GCNT2: variants seen among roughly 807,000 people sequenced by gnomAD.
GCNT2 encodes N-acetyllactosaminide beta-1,6-N-acetylglucosaminyl-transferase.
GCNT2 carries 34 observed loss-of-function variants against 34.2 expected under a neutral mutation model. That is an observed-to-expected ratio of 1.00 (90% confidence interval 0.76 to 1.32). The LOEUF (loss-of-function observed/expected upper bound fraction) is 1.32, where lower values mean the gene tolerates loss of function less well. Among genes scored for constraint, GCNT2 ranks in the 40% most tolerant of loss-of-function variants. GCNT2 has a pLI of 0.00. For missense variants in GCNT2, 584 were observed against 489.4 expected (o/e 1.19, Z -1.82); for synonymous variants, 212 against 188.0 (o/e 1.13, Z -1.04).
chr6:10,616,304 T>C (rs1765759361), intron 3 of GCNT2, among the ~76,000 whole-genome samples: 2 of 150,158 alleles, frequency 1.3e-5, no homozygotes, highest in African/African-American at 4.8e-5. Flanking sequence ...TCATATAGGC[T>C]GTATGGACCC....
At chr6:10,585,679 A>G (rs1223264957) in intron 3 of GCNT2, 2 of 823,382 alleles carry the variant, frequency 2.4e-6, no homozygotes, top group Non-Finnish European at 1.7e-6. Flanking sequence ...TCATATGTAA[A>G]TGAGGAGGCT....
At chr6:10,617,466 A>G (rs1428741645) in intron 3 of GCNT2, among the ~76,000 whole-genome samples, 2 of 152,198 alleles carry the variant, frequency 1.3e-5, no homozygotes, top group Non-Finnish European at 2.9e-5. Flanking sequence ...GGGCTCCCAC[A>G]GTGCAGCCGC....
chr6:10,529,247 G>T lies in GCNT2; in HGVS notation c.336G>T (p.Arg112Ser), dbSNP rs1561777524. 11 of 1,614,014 alleles carry T rather than the reference G, an allele frequency of 6.8e-6. No individual in the cohort carries two copies. Among genetic ancestry groups the T allele is most frequent in the Non-Finnish European group, 9.3e-6 (11 of 1,180,008 alleles). Residue 112 changes from arginine to serine, a missense_variant, in exon 3 of 5, where the codon AGG (arginine) becomes AGT (serine). Coordinates refer to ENST00000495262, the MANE Select transcript of GCNT2 (RefSeq NM_145649.5). ...ACAAAGACTTCGGCACTTTTGAGAGGCTCTTCAGGGCGATTTATATGCCCC... is the reference window on the plus strand; with the variant it reads ...ACAAAGACTTCGGCACTTTTGAGAGTCTCTTCAGGGCGATTTATATGCCCC... ...TIHKDFGTFE[R>S]LFRAIYMPQN...
chr6:10,612,051 A>G (rs550935622), intron 3 of GCNT2, among the ~76,000 whole-genome samples: 53 of 151,832 alleles, frequency 3.5e-4, no homozygotes, highest in Non-Finnish European at 6.9e-4. Flanking sequence ...CAGTGGTGCA[A>G]TCTCGGCTCA....
chr6:10,529,851 T>C lies in GCNT2; in HGVS notation c.925+15T>C. On this transcript the variant is annotated intron_variant, in intron 3 of 4. Coordinates refer to ENST00000495262, the MANE Select transcript of GCNT2 (RefSeq NM_145649.5). The stretch of plus-strand genomic sequence containing the variant: ...CAGGATTCCCGGTATGTACGTCTCT[T>C]AACTTTTATTTTTACGAATAAACAC... The C allele has an allele frequency of 1.3e-6, 2 of 1,598,374 alleles. No individual in the cohort carries two copies. The highest frequency in any genetic ancestry group is 2.2e-5 in the East Asian group (1 of 44,812).
intron 4 of GCNT2, among the ~76,000 whole-genome samples, chr6:10,622,340 C>T (rs1766069870): frequency 6.6e-6 from 1 of 151,970 alleles, no homozygotes; most frequent in African/African-American, 2.4e-5. Flanking sequence ...GGCTGGAAGT[C>T]CAAGATCCAG....
rs3897809 is a variant in GCNT2 at position 10,532,952 on chromosome 6, C to T, written c.925+3116C>T. Among the ~76,000 whole-genome samples, 754 of 112,366 alleles carry T rather than the reference C, an allele frequency of 6.7e-3. 9 individuals carry two copies. Among genetic ancestry groups the T allele is most frequent in the African/African-American group, 0.026 (725 of 27,946 alleles). The allele number at this position is 112,366 out of a possible 152,430, so 73.7% of individuals were successfully genotyped here. ...TTTTTTTTGGCAGGTGTGCGAGGGA[C>T]ATTTTGAGATTGTTCCAATTCATTG... On this transcript the variant is annotated intron_variant, in intron 3 of 4. Transcript: ENST00000495262.
intron 3 of GCNT2, among the ~76,000 whole-genome samples, chr6:10,566,760 GACTT>G (rs1478304160): frequency 6.6e-6 from 1 of 152,216 alleles, no homozygotes; most frequent in African/African-American, 2.4e-5. Flanking sequence ...AACCTACACA[GACTT>G]AATTAAATGC....
chr6:10,557,131 C>A, intron 3 of GCNT2: 1 of 1,554,122 alleles, frequency 6.4e-7, no homozygotes. Context: ...AGCACCTGGG[C>A]AAAGAGCTTT....
intron 1 of GCNT2, among the ~76,000 whole-genome samples, chr6:10,526,085 A>C (rs1761170403): frequency 6.6e-6 from 1 of 152,246 alleles, no homozygotes; most frequent in African/African-American, 2.4e-5. Flanking sequence ...GTTAAAAGTC[A>C]ACTAAAAATT....
chr6:10,543,499 T>G (rs1180658188), intron 3 of GCNT2, among the ~76,000 whole-genome samples: 1 of 152,212 alleles, frequency 6.6e-6, no homozygotes, highest in Non-Finnish European at 1.5e-5. Flanking sequence ...CCCCCAATGT[T>G]AATTCTATGT....
At chr6:10,592,229 A>G (rs1223026381) in intron 3 of GCNT2, among the ~76,000 whole-genome samples, 4 of 152,264 alleles carry the variant, frequency 2.6e-5, no homozygotes, top group Admixed American at 6.5e-5. Context: ...AGATACTTCC[A>G]TAGGTTCGTA....
intron 3 of GCNT2, among the ~76,000 whole-genome samples, chr6:10,580,946 G>A (rs1214524535): frequency 6.6e-6 from 1 of 152,178 alleles, no homozygotes; most frequent in Non-Finnish European, 1.5e-5. Flanking sequence ...TTATCCTGGG[G>A]CAGAGAGAGG....
chr6:10,537,298 A>G (rs1761805346), intron 3 of GCNT2, among the ~76,000 whole-genome samples: 3 of 152,104 alleles, frequency 2.0e-5, no homozygotes, highest in Admixed American at 2.0e-4. Context: ...CTCTATCCTT[A>G]CTTTCTTCTT....
intron 3 of GCNT2, among the ~76,000 whole-genome samples, chr6:10,573,484 G>GT (rs1450365577): frequency 6.6e-6 from 1 of 152,172 alleles, no homozygotes; most frequent in Non-Finnish European, 1.5e-5. Context: ...GAAGAGCAAG[G>GT]TAAGTTGGGG....
chr6:10,537,346 GACTTAC>G (rs1454767378), intron 3 of GCNT2, among the ~76,000 whole-genome samples: 2 of 152,078 alleles, frequency 1.3e-5, no homozygotes, highest in Non-Finnish European at 2.9e-5. Context: ...GATGCTCTTC[GACTTAC>G]AGCGGGGTTA....
chr6:10,595,543 C>T (rs1219325877), intron 3 of GCNT2, among the ~76,000 whole-genome samples: 1 of 146,096 alleles, frequency 6.8e-6, no homozygotes, highest in African/African-American at 2.7e-5. Context: ...TCCCAAAGTG[C>T]TGGGATTACA....
At chr6:10,556,444 C>T in intron 3 of GCNT2, 3 of 1,613,974 alleles carry the variant, frequency 1.9e-6, no homozygotes, top group Non-Finnish European at 1.7e-6. Context: ...CAATGCGTTA[C>T]CTCTTCATAA....
At chr6:10,600,344 A>G (rs1286357462) in intron 3 of GCNT2, among the ~76,000 whole-genome samples, 3 of 152,244 alleles carry the variant, frequency 2.0e-5, no homozygotes, top group Non-Finnish European at 2.9e-5. Context: ...TACATTTACC[A>G]TAAAGGAGAT....
Sources: allele counts gnomAD v4.1 joint callset (sites outside exome capture counted in the v4.1 genomes callset), GRCh38; gene constraint gnomAD v4.1.1; transcripts MANE v1.5; gene names NCBI Gene and HGNC (gene_info 2026-07-23, HGNC 2026-07-21).